PDE1C: variants seen among roughly 807,000 people sequenced by gnomAD.
PDE1C encodes phosphodiesterase 1C, also known as dual specificity calcium/calmodulin-dependent 3',5'-cyclic nucleotide phosphodiesterase 1C.
Under a neutral mutation model 93.1 loss-of-function variants are expected in PDE1C, and 62 were observed. The ratio of observed to expected loss-of-function variants is 0.67; its 90% CI spans 0.54 to 0.82. The LOEUF is 0.82. PDE1C is among the 40% of genes least tolerant of loss of function. The pLI is 0.00. For synonymous variants in PDE1C, 325 were observed against 310.1 expected (o/e 1.05, Z -0.50); for missense variants, 742 against 884.6 (o/e 0.84, Z 2.04).
chr7:31,653,087 T>A, the PDE1C span: 1 of 809,886 alleles, frequency 1.2e-6, no homozygotes, highest in Non-Finnish European at 1.7e-6. Flanking sequence ...TCTGCCCTGC[T>A]AGAACTTACA....
the PDE1C span, among the ~76,000 whole-genome samples, chr7:31,720,570 C>T: frequency 6.6e-6 from 1 of 152,200 alleles, no homozygotes; most frequent in Non-Finnish European, 1.5e-5. Flanking sequence ...CTGGCGACTC[C>T]TCACTCTGAG....
chr7:31,653,925 A>G, the PDE1C span, among the ~76,000 whole-genome samples: 1 of 152,188 alleles, frequency 6.6e-6, no homozygotes, highest in African/African-American at 2.4e-5. Flanking sequence ...CAGACTGTCC[A>G]GTCAGGCAGC....
At chr7:32,337,260 C>G (rs1163136399) in intron 1 of PDE1C, among the ~76,000 whole-genome samples, 1 of 152,058 alleles carries the variant, frequency 6.6e-6, no homozygotes, top group Non-Finnish European at 1.5e-5. Context: ...TATGTTGAGC[C>G]CTCGGAAGTC....
intron 3 of PDE1C, among the ~76,000 whole-genome samples, chr7:32,128,544 A>T (rs1309721061): frequency 2.0e-5 from 3 of 151,994 alleles, no homozygotes; most frequent in Non-Finnish European, 4.4e-5. Flanking sequence ...GACTATAAAA[A>T]TGTTTGACTT....
intron 1 of PDE1C, among the ~76,000 whole-genome samples, chr7:32,242,179 G>T (rs1054903382): frequency 1.3e-5 from 2 of 152,136 alleles, no homozygotes; most frequent in African/African-American, 4.8e-5. Flanking sequence ...AGGGGAGAGA[G>T]AGTTGAAAAG....
chr7:32,067,458 G>A (rs1339140036), intron 1 of PDE1C, among the ~76,000 whole-genome samples: 2 of 152,104 alleles, frequency 1.3e-5, no homozygotes, highest in African/African-American at 4.8e-5. Context: ...AGCATGGCAG[G>A]GTATGGGTAC....
At chr7:31,971,850 C>T (rs1163057367) in intron 2 of PDE1C, among the ~76,000 whole-genome samples, 1 of 152,234 alleles carries the variant, frequency 6.6e-6, no homozygotes, top group Non-Finnish European at 1.5e-5. Flanking sequence ...CTCATAGCTC[C>T]TTTACCCACT....
At chr7:31,915,156 A>G (rs1801720548) in intron 2 of PDE1C, among the ~76,000 whole-genome samples, 1 of 152,222 alleles carries the variant, frequency 6.6e-6, no homozygotes, top group Non-Finnish European at 1.5e-5. Context: ...ATCGCAAGTA[A>G]GCCTTACTGC....
At chr7:31,969,038 A>G (rs1810489562) in intron 2 of PDE1C, among the ~76,000 whole-genome samples, 1 of 152,192 alleles carries the variant, frequency 6.6e-6, no homozygotes, top group Non-Finnish European at 1.5e-5. Context: ...TTAGAAGAAA[A>G]CCTAGGCAAT....
At chr7:32,243,029 C>T (rs1808656109) in intron 1 of PDE1C, among the ~76,000 whole-genome samples, 1 of 152,102 alleles carries the variant, frequency 6.6e-6, no homozygotes, top group Admixed American at 6.5e-5. Flanking sequence ...GATGGATGAC[C>T]TTGGCCTTGC....
intron 2 of PDE1C, among the ~76,000 whole-genome samples, chr7:31,902,788 GTATAAT>G (rs1175100099): frequency 6.6e-6 from 1 of 150,672 alleles, no homozygotes; most frequent in Admixed American, 6.6e-5. Context: ...GTAATATATA[GTATAAT>G]TATAATATTG....
intron 2 of PDE1C, among the ~76,000 whole-genome samples, chr7:31,963,421 T>A (rs1809348805): frequency 6.6e-6 from 1 of 152,250 alleles, no homozygotes; most frequent in Non-Finnish European, 1.5e-5. Context: ...AAGCATGGAC[T>A]ATTTCCCAGT....
At chr7:31,907,515 A>G (rs544823499) in intron 2 of PDE1C, among the ~76,000 whole-genome samples, 7 of 152,202 alleles carry the variant, frequency 4.6e-5, no homozygotes, top group Non-Finnish European at 1.0e-4. Context: ...CACATGCCCC[A>G]CAAACTGGAC....
intron 17 of PDE1C, among the ~76,000 whole-genome samples, chr7:31,758,563 T>C (rs557891792): frequency 8.1e-4 from 123 of 152,332 alleles, no homozygotes; most frequent in African/African-American, 2.8e-3. Context: ...GTATAAATTA[T>C]GCTATGGCTA....
At chr7:31,941,504 C>T (rs955944482) in intron 2 of PDE1C, 3 of 155,106 alleles carry the variant, frequency 1.9e-5, no homozygotes, top group African/African-American at 7.2e-5. Flanking sequence ...ATCACCCCTA[C>T]TACAGTTATT....
At chr7:31,638,387 C>T in the PDE1C span, among the ~76,000 whole-genome samples, 1 of 152,140 alleles carries the variant, frequency 6.6e-6, no homozygotes, top group Non-Finnish European at 1.5e-5. Context: ...CTGTAAAAGT[C>T]GCACATCAGA....
intron 1 of PDE1C, among the ~76,000 whole-genome samples, chr7:32,229,320 CA>C (rs1807519390): frequency 6.6e-6 from 1 of 152,168 alleles, no homozygotes; most frequent in Non-Finnish European, 1.5e-5. Flanking sequence ...GCAGGTTGTG[CA>C]CTGCACAAGT....
intron 1 of PDE1C, among the ~76,000 whole-genome samples, chr7:32,251,887 C>G (rs1562620471): frequency 6.6e-6 from 1 of 152,176 alleles, no homozygotes; most frequent in African/African-American, 2.4e-5. Flanking sequence ...TTCCCCTCCT[C>G]ACACTCAGGT....
intron 1 of PDE1C, among the ~76,000 whole-genome samples, chr7:32,065,742 A>C (rs2128718699): frequency 6.6e-6 from 1 of 152,344 alleles, no homozygotes; most frequent in East Asian, 1.9e-4. Flanking sequence ...GAAATTTAAA[A>C]CCAAAGGTCC....
Sources: allele counts gnomAD v4.1 joint callset (sites outside exome capture counted in the v4.1 genomes callset), GRCh38; gene constraint gnomAD v4.1.1; transcripts MANE v1.5; gene names NCBI Gene and HGNC (gene_info 2026-07-23, HGNC 2026-07-21).